The following ARHGAP30 variants were observed in gnomAD, a reference collection of about 807,000 sequenced individuals.
The protein encoded by ARHGAP30 is rho GTPase-activating protein 30.
In ARHGAP30, 23 loss-of-function variants were observed where a neutral mutation model predicts 72.0. The observed-to-expected ratio is 0.32, with a 90% CI of 0.23 to 0.45. ARHGAP30 has a LOEUF of 0.45. Among genes scored for constraint, ARHGAP30 ranks in the 20% least tolerant of loss-of-function variants. The pLI is 1.00. For synonymous variants in ARHGAP30, 576 were observed against 528.2 expected (o/e 1.09, Z -1.24); for missense variants, 1,319 against 1,383.4 (o/e 0.95, Z 0.74).
intron 1 of ARHGAP30, among the ~76,000 whole-genome samples, chr1:161,067,367 C>A (rs946029792): frequency 2.6e-5 from 4 of 151,994 alleles, no homozygotes. Context: ...GGTCAGTGTT[C>A]GAGACCAGCC....
Position 161,048,833 on chromosome 1 carries a change from C to G in ARHGAP30, c.2188G>C (p.Glu730Gln), listed in dbSNP as rs748532451. The part of the protein sequence containing the change: ...SKGQKKADSM[E>Q]AKGVEEPGGD... ...CCTGGTTCCTCCACACCTTTAGCCT[C>G]CATACTGTCAGCCTTCTTCTGACCT... The change falls in exon 12 of 12, where the codon GAG (glutamate) becomes CAG (glutamine). Residue 730 changes from glutamate to glutamine, a missense_variant. Physicochemically the swap from Glu to Gln is conservative, Grantham distance 29. Transcript: ENST00000368013. The G allele has an allele frequency of 6.2e-7, 1 of 1,614,156 alleles. No individual in the cohort carries two copies. Among genetic ancestry groups the G allele is most frequent in the South Asian group, 1.1e-5 (1 of 91,076 alleles).
chr1:161,053,794 G>C (rs996240344), intron 5 of ARHGAP30, among the ~76,000 whole-genome samples: 1 of 152,246 alleles, frequency 6.6e-6, no homozygotes, highest in African/African-American at 2.4e-5. Flanking sequence ...GCCGGACAGA[G>C]TGGCTCACAC....
intron 1 of ARHGAP30, among the ~76,000 whole-genome samples, chr1:161,066,690 T>C (rs1191069128): frequency 6.8e-6 from 1 of 147,910 alleles, no homozygotes; most frequent in Admixed American, 6.7e-5. Flanking sequence ...AGGGCAATTG[T>C]ACGACACTGA....
chr1:161,058,802 A>C (rs1652093674), intron 2 of ARHGAP30, among the ~76,000 whole-genome samples: 1 of 149,880 alleles, frequency 6.7e-6, no homozygotes. Flanking sequence ...CAGAGGTTGC[A>C]ATGAGCCAAG....
chr1:161,051,975 ACCACCACCACCACCACCACCAC>A (rs1651412257), intron 9 of ARHGAP30, among the ~76,000 whole-genome samples: 1 of 574 alleles, frequency 1.7e-3, no homozygotes, highest in Non-Finnish European at 4.5e-3. Flanking sequence ...TGTCACCACC[ACCACCACCACCACCACCACCAC>A]CACCACCACC....
chr1:161,055,317 C>A (rs1651740984), intron 3 of ARHGAP30, among the ~76,000 whole-genome samples: 1 of 152,040 alleles, frequency 6.6e-6, no homozygotes, highest in African/African-American at 2.4e-5. Flanking sequence ...CACAGCAAGA[C>A]CTTGTCTCTA....
chr1:161,059,332 G>GTT (rs1041197985), intron 2 of ARHGAP30, among the ~76,000 whole-genome samples: 16 of 102,130 alleles, frequency 1.6e-4, no homozygotes, highest in Non-Finnish European at 2.1e-4. Context: ...CCTGGCTCAA[G>GTT]TTTTTTTTTT....
intron 4 of ARHGAP30, 41 bp from the exon 5 acceptor site, chr1:161,054,514 G>A (rs1651686546): frequency 1.2e-6 from 2 of 1,604,368 alleles, no homozygotes; most frequent in Admixed American, 1.7e-5. Flanking sequence ...GGAATGCCCA[G>A]GGCAGGCATT....
intron 1 of ARHGAP30, among the ~76,000 whole-genome samples, chr1:161,064,708 G>T (rs998985786): frequency 4.6e-5 from 7 of 151,206 alleles, no homozygotes; most frequent in African/African-American, 1.5e-4. Context: ...AGTGAGTGAT[G>T]ATGGCACCAT....
intron 1 of ARHGAP30, among the ~76,000 whole-genome samples, chr1:161,068,795 G>C (rs995204576): frequency 6.6e-6 from 1 of 152,070 alleles, no homozygotes; most frequent in Non-Finnish European, 1.5e-5. Context: ...AGCTGGGTGA[G>C]CTCCACAGAC....
In ARHGAP30 at chr1:161,051,340, C is replaced by T; in HGVS notation, c.1394G>A (p.Gly465Asp). The T allele has an allele frequency of 6.2e-7, 1 of 1,608,384 alleles. No homozygotes were observed. Among genetic ancestry groups the T allele is most frequent in the Non-Finnish European group, 8.5e-7 (1 of 1,177,050 alleles). The change falls in exon 10 of 12, where the codon GGC becomes GAC. Residue 465 changes from glycine (G) to aspartate (D), a missense_variant. By Grantham distance (94) the Gly-to-Asp change is moderately conservative. Around this residue, in one of 2 missense-constraint regions of ARHGAP30, gnomAD observed 1,097 missense variants for 1,045.2 expected, o/e 1.05. Transcript: ENST00000368013. ...RPSPASGPGP[G>D]PGLGPGPPDE... ...TGGGGGGCCAGGGCCAAGGCCAGGG[C>T]CAGGGCCAGGGCCAGAGGCAGGGCT...
chr1:161,050,426 GTC>G (rs1304277642), intron 10 of ARHGAP30, among the ~76,000 whole-genome samples: 1 of 150,242 alleles, frequency 6.7e-6, no homozygotes, highest in Non-Finnish European at 1.5e-5. Context: ...AGCCTTCTGA[GTC>G]TCTGGGATTA....
In ARHGAP30 at chr1:161,048,482, C is replaced by T. The variant is rs764611382; in HGVS notation, c.2539G>A (p.Gly847Arg). The change falls in exon 12 of 12, where the codon GGA becomes AGA. Residue 847 changes from glycine to arginine, a missense_variant. Physicochemically the swap from Gly to Arg is moderately radical, Grantham distance 125. This residue lies in a region of ARHGAP30 where 1,097 missense variants were observed against 1,045.2 expected (regional missense o/e 1.05). Transcript: ENST00000368013. ...ERESGDGEAE[G>R]DQRAGGYYLE... is the part of the protein sequence containing the mutation. ...TAGTACCCTCCAGCCCTCTGGTCTC[C>T]CTCAGCCTCTCCATCCCCACTCTCC... 13 of 1,614,122 alleles carry T rather than the reference C, an allele frequency of 8.1e-6. No homozygotes were observed. The highest frequency in any genetic ancestry group is 7.6e-6 in the Non-Finnish European group (9 of 1,180,012).
chr1:161,059,337 T>TTG (rs1378970318), intron 2 of ARHGAP30, among the ~76,000 whole-genome samples: 114 of 112,508 alleles, frequency 1.0e-3, no homozygotes, highest in East Asian at 4.2e-3. Flanking sequence ...CTCAAGTTTT[T>TTG]TTTTTTTTTT....
intron 10 of ARHGAP30, 24 bp downstream of exon 10, chr1:161,051,290 C>T (rs1223803341): frequency 6.4e-7 from 1 of 1,552,682 alleles, no homozygotes; most frequent in Non-Finnish European, 8.7e-7. Context: ...CTTTCCTAGT[C>T]TTGGTCAATC....
At chr1:161,053,448 C>T in intron 5 of ARHGAP30, 63 bp from the exon 6 acceptor site, 1 of 1,492,102 alleles carries the variant, frequency 6.7e-7, no homozygotes, top group Non-Finnish European at 9.2e-7. Context: ...CAGATTCTCC[C>T]TGAAAATACC....
chr1:161,058,532 C>T (rs1436193369), intron 2 of ARHGAP30, among the ~76,000 whole-genome samples: 1 of 149,318 alleles, frequency 6.7e-6, no homozygotes, highest in East Asian at 2.0e-4. Context: ...GAGGCTGAGG[C>T]AGGAGAATCA....
At chr1:161,057,231 T>TGCA (rs1651941397) in intron 2 of ARHGAP30, among the ~76,000 whole-genome samples, 1 of 151,812 alleles carries the variant, frequency 6.6e-6, no homozygotes, top group African/African-American at 2.4e-5. Context: ...CTCTGCTCAC[T>TGCA]GCAGCCTCCG....
In ARHGAP30 at chr1:161,052,472, T is replaced by G; in HGVS notation, c.908A>C (p.Lys303Thr). Residue 303 changes from lysine (K) to threonine (T), a missense_variant, in exon 8 of 12, where the codon AAG (lysine) becomes ACG (threonine). This residue lies in a region of ARHGAP30 where 1,097 missense variants were observed against 1,045.2 expected (regional missense o/e 1.05). Transcript: ENST00000368013. ...FNLGRSGHETKRKLPRGAEDR... is the reference protein window; with the variant it reads ...FNLGRSGHETTRKLPRGAEDR... ...CTCAGCCCCCCGTGGAAGTTTACGC[T>G]TAGTCTCATGGCCAGAGCGACCTAA... is the stretch of plus-strand genomic sequence containing the variant. 1 of 1,612,802 alleles carries G rather than the reference T, an allele frequency of 6.2e-7. No homozygotes were observed.
Sources: allele counts gnomAD v4.1 joint callset (sites outside exome capture counted in the v4.1 genomes callset), GRCh38; gene constraint gnomAD v4.1.1; regional missense constraint gnomAD v4.1.1; transcripts MANE v1.5; gene names NCBI Gene and HGNC (gene_info 2026-07-23, HGNC 2026-07-21).